PRRC2B: variants seen among roughly 807,000 people sequenced by gnomAD.
PRRC2B encodes the protein proline rich coiled-coil 2B.
Under a neutral mutation model 242.3 loss-of-function variants are expected in PRRC2B, and 68 were observed. The observed-to-expected ratio is 0.28, with a 90% CI of 0.23 to 0.34. The LOEUF is 0.34. Ranked by LOEUF, PRRC2B falls within the 10% of genes least tolerant of loss-of-function variation. The pLI is 1.00. For synonymous variants in PRRC2B, 1,228 were observed against 1,173.6 expected, an observed-to-expected ratio of 1.05 and a Z score of -0.95; for missense variants, 2,835 against 2,954.8, an observed-to-expected ratio of 0.96 and a Z score of 0.94.
intron 22 of PRRC2B, 43 bp from the exon 23 acceptor site, chr9:131,483,316 A>G (rs893905504): frequency 6.4e-7 from 1 of 1,561,134 alleles, no homozygotes; most frequent in Admixed American, 1.7e-5. Flanking sequence ...ATGTAGGGCC[A>G]GGAGGATCTC....
chr9:131,419,843 G>A (rs1247100672), intron 1 of PRRC2B, among the ~76,000 whole-genome samples: 1 of 151,664 alleles, frequency 6.6e-6, no homozygotes, highest in Non-Finnish European at 1.5e-5. Context: ...GGGCCAGCAT[G>A]TTGGGCCGGG....
At chr9:131,448,576 GAGAA>G (rs1258310190) in intron 9 of PRRC2B, among the ~76,000 whole-genome samples, 3 of 55,566 alleles carry the variant, frequency 5.4e-5, no homozygotes, top group Non-Finnish European at 8.4e-5. Context: ...AAAAAGGAAA[GAGAA>G]AGAGTCTGGC....
In PRRC2B at chr9:131,494,681, G is replaced by A. The variant is rs148139352; in HGVS notation, c.6555+195G>A. Among the ~76,000 whole-genome samples the A allele has an allele frequency of 1.3e-5, 2 of 152,214 alleles. No homozygotes were observed. The highest frequency in any genetic ancestry group is 2.9e-5 in the Non-Finnish European group (2 of 68,026). On this transcript the variant is annotated intron_variant, in intron 31 of 31. Coordinates refer to ENST00000683519, the MANE Select transcript of PRRC2B (RefSeq NM_013318.4). The surrounding 1 kb of genome is among the most constrained non-coding windows in gnomAD (Gnocchi z 4.3). ...GAAGGCATTTCTCCTCTTGACGGGC[G>A]TCTGGATCCTTCCTTGTCCTGCAGA...
intron 19 of PRRC2B, 135 bp downstream of exon 19, chr9:131,479,528 C>T (rs576022598): frequency 2.0e-5 from 17 of 842,062 alleles, no homozygotes; most frequent in Admixed American, 8.8e-5. Context: ...TGCTGTGTTC[C>T]GCTGCTGAGC....
intron 1 of PRRC2B, among the ~76,000 whole-genome samples, chr9:131,405,554 C>T (rs866694938): frequency 6.6e-6 from 1 of 152,142 alleles, no homozygotes; most frequent in Admixed American, 6.6e-5. Flanking sequence ...CCCTCCTGCC[C>T]CCCACTTTGG....
At chr9:131,436,758 G>T in intron 4 of PRRC2B, 36 bp downstream of exon 4, 1 of 1,538,726 alleles carries the variant, frequency 6.5e-7, no homozygotes, top group South Asian at 1.1e-5. Context: ...TGTTTCCTGG[G>T]CATGGTAGCC....
rs778374469 is a variant in PRRC2B at position 131,482,890 on chromosome 9, T to C, written c.5356T>C (p.Phe1786Leu). Residue 1786 changes from phenylalanine (F) to leucine (L), a missense_variant, in exon 22 of 32, where the codon TTT (phenylalanine) becomes CTT (leucine). Phe to Leu is a conservative substitution (Grantham distance 22, BLOSUM62 0). Around this residue, in one of 7 missense-constraint regions of PRRC2B, gnomAD observed 574 missense variants for 626.0 expected, o/e 0.92. Coordinates refer to ENST00000683519, the MANE Select transcript of PRRC2B (RefSeq NM_013318.4). This position sits in a 1 kb window ranked among gnomAD's most constrained non-coding sequence, Gnocchi z 5.2. ...CGTGCTGCCTGTGCCACCCATTGAA[T>C]TTGGAGTCAGTCCAAAAGTGAGGCT... ...DSVLPVPPIEFGVSPKDSDFS... is the reference protein window; with the variant it reads ...DSVLPVPPIELGVSPKDSDFS... The C allele has an allele frequency of 3.1e-6, 5 of 1,607,210 alleles. No individual in the cohort carries two copies. In the South Asian group the frequency reaches 5.6e-5, roughly 18 times the overall value.
At chr9:131,438,675 C>T (rs1483340708) in intron 4 of PRRC2B, among the ~76,000 whole-genome samples, 1 of 152,112 alleles carries the variant, frequency 6.6e-6, no homozygotes, top group Non-Finnish European at 1.5e-5. Context: ...TCCAGAGCAC[C>T]GAATGGAGAG....
intron 1 of PRRC2B, among the ~76,000 whole-genome samples, chr9:131,394,710 C>G (rs1252533587): frequency 6.6e-6 from 1 of 151,618 alleles, no homozygotes; most frequent in African/African-American, 2.4e-5. Flanking sequence ...AGCAGCGCGC[C>G]CGAGGCGGGA....
At chr9:131,423,650 A>G (rs1837905852) in intron 1 of PRRC2B, among the ~76,000 whole-genome samples, 1 of 152,236 alleles carries the variant, frequency 6.6e-6, no homozygotes, top group Non-Finnish European at 1.5e-5. Context: ...AACTTTGTAA[A>G]GGACCAGGCA....
rs372376516 is a variant in PRRC2B at position 131,487,684 on chromosome 9, C to T, written c.5985-172C>T. 6.6e-6 allele frequency among the ~76,000 whole-genome samples: 1 copy of T among 152,134 alleles called. No homozygotes were observed. The highest frequency in any genetic ancestry group is 1.5e-5 in the Non-Finnish European group (1 of 68,008). ...CACTTGTTTAATCCAGCAGCATCAG[C>T]GCCATCTAGGAGCTTGTTCTCAGGC... On this transcript the variant is annotated intron_variant, in intron 27 of 31. Transcript: ENST00000683519. This position sits in a 1 kb window ranked among gnomAD's most constrained non-coding sequence, Gnocchi z 5.3.
chr9:131,373,876 G>C (rs1836649124), intron 1 of PRRC2B: 1 of 152,388 alleles, frequency 6.6e-6, no homozygotes, highest in South Asian at 2.1e-4. Context: ...TGGCTAACAC[G>C]GTGAAACCCC....
intron 1 of PRRC2B, among the ~76,000 whole-genome samples, chr9:131,413,227 ACTTTCTC>A (rs1837551124): frequency 6.6e-6 from 1 of 152,126 alleles, no homozygotes; most frequent in African/African-American, 2.4e-5. Flanking sequence ...TCCACAAGTT[ACTTTCTC>A]CTTCCTTTGT....
At chr9:131,436,211 AAAG>A (rs1188343916) in intron 3 of PRRC2B, among the ~76,000 whole-genome samples, 1 of 152,194 alleles carries the variant, frequency 6.6e-6, no homozygotes, top group Non-Finnish European at 1.5e-5. Flanking sequence ...CATTTTTAAA[AAAG>A]AAAGGCCAGG....
chr9:131,393,431 G>C (rs987130372), upstream of PRRC2B, among the ~76,000 whole-genome samples: 2 of 152,104 alleles, frequency 1.3e-5, no homozygotes, highest in African/African-American at 4.8e-5. Context: ...GCAGTCTCCC[G>C]GACCTTTTGT....
chr9:131,380,150 G>A (rs1210138880), intron 1 of PRRC2B, among the ~76,000 whole-genome samples: 2 of 150,434 alleles, frequency 1.3e-5, no homozygotes, highest in South Asian at 2.2e-4. Flanking sequence ...GCACCACCAC[G>A]CCCAGCTAAT....
At chr9:131,477,323 C>G (rs1943732458) in intron 16 of PRRC2B, among the ~76,000 whole-genome samples, 1 of 152,230 alleles carries the variant, frequency 6.6e-6, no homozygotes, top group African/African-American at 2.4e-5. Context: ...CCGACTCTTT[C>G]AGGTGGCATC....
rs778193430 is a variant in PRRC2B, at chr9:131,475,310, A to G, written c.3181A>G (p.Arg1061Gly). The G allele has an allele frequency of 1.9e-6, 3 of 1,604,070 alleles. No homozygotes were observed. In the Admixed American group the frequency reaches 5.2e-5, roughly 28 times the overall value. The change falls in exon 16 of 32, where the codon AGA becomes GGA. Residue 1061 changes from arginine to glycine, a missense_variant. By Grantham distance (125) the Arg-to-Gly change is moderately radical. Transcript: ENST00000683519. ...TGATGAGGAGCAAGCCTTTGGGGTCAGAGGACAGGCCCGGGGCCGGGGCCG... is the reference window on the plus strand; with the variant it reads ...TGATGAGGAGCAAGCCTTTGGGGTCGGAGGACAGGCCCGGGGCCGGGGCCG... ...FIDEEQAFGV[R>G]GQARGRGRGF...
chr9:131,420,432 CT>C (rs1210715084), intron 1 of PRRC2B, among the ~76,000 whole-genome samples: 1 of 126,564 alleles, frequency 7.9e-6, no homozygotes, highest in Non-Finnish European at 1.7e-5. Context: ...CTCTGCTTTT[CT>C]TTTTTCTTTT....
Sources: gnomAD v4.1 joint callset for allele counts (sites outside exome capture counted in the v4.1 genomes callset) on GRCh38, gnomAD v4.1.1 for gene constraint, gnomAD v4.1.1 regional missense constraint, Gnocchi (gnomAD v3.1) non-coding constraint, MANE v1.5 for transcripts, NCBI Gene and HGNC (gene_info 2026-07-23, HGNC 2026-07-21) for gene names.